The following MAP3K3 variants were observed in gnomAD, a reference collection of about 807,000 sequenced individuals.
MAP3K3 encodes the protein MAP/ERK kinase kinase 3.
In MAP3K3, 12 loss-of-function variants were observed where a neutral mutation model predicts 80.9. The ratio of observed to expected loss-of-function variants is 0.15; its 90% CI spans 0.10 to 0.24. The LOEUF is 0.24. MAP3K3 is among the 10% of genes least tolerant of loss of function. The pLI is 1.00. For missense variants in MAP3K3, 596 were observed against 834.7 expected (o/e 0.71, Z 3.52); for synonymous variants, 272 against 307.1 (o/e 0.89, Z 1.19).
intron 5 of MAP3K3, among the ~76,000 whole-genome samples, chr17:63,660,114 T>C (rs1666819042): frequency 6.6e-6 from 1 of 152,230 alleles, no homozygotes; most frequent in Admixed American, 6.5e-5. Flanking sequence ...TCACCTCCGC[T>C]GATACTGTCA....
intron 6 of MAP3K3, among the ~76,000 whole-genome samples, chr17:63,677,651 T>C (rs1341858042): frequency 3.3e-5 from 5 of 152,208 alleles, no homozygotes; most frequent in Admixed American, 3.3e-4. Context: ...CGGCATTTTG[T>C]ATTCCTGGCC....
intron 6 of MAP3K3, among the ~76,000 whole-genome samples, chr17:63,675,847 G>C (rs2143520739): frequency 6.6e-6 from 1 of 152,322 alleles, no homozygotes. Context: ...GGAATGAGCT[G>C]TTTTGCATAG....
Position 63,667,026 on chromosome 17 carries a change from G to A in MAP3K3, c.468G>A (p.Gln156=). ...QSAGDINTIY[Q]PPEPRSRHLS... The stretch of plus-strand genomic sequence containing the variant: ...CAGGGGATATAAATACTATCTACCA[G>A]CCCCCCGAGCCCAGAAGCAGGCACC... Residue 156 remains glutamine, a synonymous_variant, in exon 6 of 16, where the codon CAG becomes CAA. Transcript: ENST00000361733. 1 of 1,610,344 alleles carries A rather than the reference G, an allele frequency of 6.2e-7. No individual in the cohort carries two copies. The highest frequency in any genetic ancestry group is 1.1e-5 in the South Asian group (1 of 90,280).
At chr17:63,644,269 C>G (rs1197153835) in intron 2 of MAP3K3, among the ~76,000 whole-genome samples, 1 of 152,140 alleles carries the variant, frequency 6.6e-6, no homozygotes, top group Non-Finnish European at 1.5e-5. Context: ...GACTGGAGTG[C>G]AACAGCATTG....
intron 4 of MAP3K3, among the ~76,000 whole-genome samples, chr17:63,653,916 G>T (rs555389939): frequency 1.7e-3 from 263 of 152,128 alleles, no homozygotes; most frequent in African/African-American, 6.0e-3. Context: ...GCCCATGCTG[G>T]AGTGCAGTGG....
chr17:63,659,388 T>C (rs1568136572), intron 5 of MAP3K3, among the ~76,000 whole-genome samples: 1 of 152,180 alleles, frequency 6.6e-6, no homozygotes, highest in African/African-American at 2.4e-5. Context: ...ACCTAGACTT[T>C]AGGCTTCTTA....
chr17:63,689,327 C>T lies in MAP3K3; in HGVS notation c.872-217C>T, dbSNP rs1011985066. Reference sequence around the variant, plus strand: ...ACTACTTCCTAATTTCTGCTTTTGTCCTGATTCTTGGAGTGCTTGGGACAG... The same window carrying T: ...ACTACTTCCTAATTTCTGCTTTTGTTCTGATTCTTGGAGTGCTTGGGACAG... On this transcript the variant is annotated intron_variant, in intron 10 of 15. Coordinates refer to ENST00000361733, the MANE Select transcript of MAP3K3 (RefSeq NM_002401.5). This position sits in a 1 kb window ranked among gnomAD's most constrained non-coding sequence, Gnocchi z 4.3. The T allele has an allele frequency of 2.3e-5, 13 of 574,354 alleles. No homozygotes were observed. The Admixed American group carries it at 2.8e-4, about 12-fold the overall frequency. The allele number at this position is 574,354 out of a possible 1,614,324, so 35.6% of individuals were successfully genotyped here.
At chr17:63,687,808 C>T (rs558621860) in intron 8 of MAP3K3, among the ~76,000 whole-genome samples, 21 of 150,954 alleles carry the variant, frequency 1.4e-4, no homozygotes, top group African/African-American at 4.1e-4. Context: ...GCCAGTGGCG[C>T]GTGCCTGTAG....
chr17:63,645,633 A>G (rs1598075703), intron 2 of MAP3K3, among the ~76,000 whole-genome samples: 1 of 152,262 alleles, frequency 6.6e-6, no homozygotes, highest in African/African-American at 2.4e-5. Flanking sequence ...TCATATAGCT[A>G]GAAAGCATCA....
intron 2 of MAP3K3, among the ~76,000 whole-genome samples, chr17:63,644,151 A>G (rs572552945): frequency 1.4e-4 from 21 of 152,170 alleles, no homozygotes; most frequent in Non-Finnish European, 2.8e-4. Context: ...AACGTTAGCT[A>G]TTATCATTAT....
At chr17:63,633,932 T>G (rs192790439) in intron 2 of MAP3K3, among the ~76,000 whole-genome samples, 187 of 152,342 alleles carry the variant, frequency 1.2e-3, no homozygotes, top group Non-Finnish European at 2.3e-3. Flanking sequence ...GCCCTAAAAC[T>G]TTTCCTGTCT....
chr17:63,667,418 A>G (rs1445526614), intron 6 of MAP3K3, among the ~76,000 whole-genome samples: 7 of 152,214 alleles, frequency 4.6e-5, no homozygotes, highest in Non-Finnish European at 8.8e-5. Context: ...AATCGGGTCT[A>G]AGTTTGAATT....
intron 4 of MAP3K3, among the ~76,000 whole-genome samples, chr17:63,653,991 C>A (rs1019690071): frequency 3.3e-5 from 5 of 152,166 alleles, no homozygotes; most frequent in African/African-American, 4.8e-5. Context: ...CTCAGCCACC[C>A]AAGTAGCTGG....
intron 6 of MAP3K3, among the ~76,000 whole-genome samples, chr17:63,673,501 A>T (rs1482448088): frequency 6.6e-6 from 1 of 152,184 alleles, no homozygotes; most frequent in African/African-American, 2.4e-5. Context: ...CCTTACCTGA[A>T]GACATCCTCT....
In MAP3K3 at chr17:63,666,979, C is replaced by G. The variant is rs761104061; in HGVS notation, c.421C>G (p.Arg141Gly). The G allele has an allele frequency of 2.9e-5, 47 of 1,612,984 alleles. No individual in the cohort carries two copies. Among genetic ancestry groups the G allele is most frequent in the Non-Finnish European group, 3.9e-5 (46 of 1,179,756 alleles). ...SPHSGVSRQV[R>G]IKASQSAGDI... ...CCACTCTGGGGTGTCCAGACAGGTG[C>G]GGATCAAGGCTTCCCAGTCCGCAGG... Residue 141 changes from arginine to glycine, a missense_variant, in exon 6 of 16, where the codon CGG (arginine) becomes GGG (glycine). Around this residue, in one of 2 missense-constraint regions of MAP3K3, gnomAD observed 232 missense variants for 245.8 expected, o/e 0.94. Transcript: ENST00000361733.
chr17:63,626,652 C>A (rs954987816), intron 1 of MAP3K3, among the ~76,000 whole-genome samples: 1 of 152,164 alleles, frequency 6.6e-6, no homozygotes, highest in East Asian at 1.9e-4. Flanking sequence ...AGGGTCTGGC[C>A]TTATTGCATA....
chr17:63,658,755 A>C (rs2034824377), intron 5 of MAP3K3, among the ~76,000 whole-genome samples: 1 of 144,884 alleles, frequency 6.9e-6, no homozygotes, highest in African/African-American at 2.6e-5. Flanking sequence ...TTTTTTTGAG[A>C]CAGAGTTTTG....
At chr17:63,650,705 T>C (rs1433803732) in intron 3 of MAP3K3, among the ~76,000 whole-genome samples, 3 of 147,498 alleles carry the variant, frequency 2.0e-5, no homozygotes, top group Middle Eastern at 6.8e-3. Flanking sequence ...AGTTTTTTTT[T>C]TTTTTAGACA....
rs759442484 is a variant in MAP3K3, at chr17:63,667,012, A to T, written c.454A>T (p.Asn152Tyr). 2.5e-6 allele frequency: 4 copies of T among 1,612,528 alleles called. No individual in the cohort carries two copies. Among genetic ancestry groups the T allele is most frequent in the Non-Finnish European group, 3.4e-6 (4 of 1,179,716 alleles). ...IKASQSAGDI[N>Y]TIYQPPEPRS... ...GGCTTCCCAGTCCGCAGGGGATATA[A>T]ATACTATCTACCAGCCCCCCGAGCC... Residue 152 changes from asparagine (N) to tyrosine (Y), a missense_variant, in exon 6 of 16, where the codon AAT becomes TAT. Asn to Tyr is a moderately radical substitution (Grantham distance 143, BLOSUM62 -2). Coordinates refer to ENST00000361733, the MANE Select transcript of MAP3K3 (RefSeq NM_002401.5).
Sources: allele counts gnomAD v4.1 joint callset (sites outside exome capture counted in the v4.1 genomes callset), GRCh38; gene constraint gnomAD v4.1.1; regional missense constraint gnomAD v4.1.1; non-coding constraint Gnocchi (gnomAD v3.1); transcripts MANE v1.5; gene names NCBI Gene and HGNC (gene_info 2026-07-23, HGNC 2026-07-21).